UBE3D: variants seen among roughly 807,000 people sequenced by gnomAD.
UBE3D encodes the protein E3 ubiquitin-protein ligase E3D.
A neutral mutation model predicts 49.6 loss-of-function variants in UBE3D; 48 were observed. The ratio of observed to expected loss-of-function variants is 0.97; its 90% CI spans 0.77 to 1.23. The LOEUF (loss-of-function observed/expected upper bound fraction) is 1.23. Among genes scored for constraint, UBE3D ranks in the 50% most tolerant of loss-of-function variants. The pLI, the probability that UBE3D is intolerant of heterozygous loss-of-function variation, is 0.00. For missense variants in UBE3D, 452 were observed against 468.4 expected, an observed-to-expected ratio of 0.96 and a Z score of 0.32; for synonymous variants, 189 against 174.2, an observed-to-expected ratio of 1.08 and a Z score of -0.67.
At chr6:83,050,094 A>C (rs1287723321) in intron 3 of UBE3D, among the ~76,000 whole-genome samples, 1 of 152,186 alleles carries the variant, frequency 6.6e-6, no homozygotes, top group Non-Finnish European at 1.5e-5. Flanking sequence ...ATAGCTAAGA[A>C]CATGTGACCT....
chr6:82,982,193 C>CTGGA (rs1778161475), intron 8 of UBE3D, among the ~76,000 whole-genome samples: 1 of 152,184 alleles, frequency 6.6e-6, no homozygotes, highest in African/African-American at 2.4e-5. Flanking sequence ...CCACCCAATA[C>CTGGA]TCTCAACCCC....
chr6:83,016,158 CCAT>C (rs1312996026), intron 8 of UBE3D, among the ~76,000 whole-genome samples: 12 of 152,190 alleles, frequency 7.9e-5, no homozygotes, highest in African/African-American at 2.9e-4. Context: ...TCACTCAAGG[CCAT>C]CTTAGCAGAT....
At chr6:82,887,231 A>C in the UBE3D span, among the ~76,000 whole-genome samples, 1 of 151,170 alleles carries the variant, frequency 6.6e-6, no homozygotes, top group African/African-American at 2.4e-5. Flanking sequence ...AGGCAGGAGA[A>C]TCACTTAAAC....
chr6:82,937,889 G>C (rs542499876), intron 9 of UBE3D, among the ~76,000 whole-genome samples: 1 of 152,144 alleles, frequency 6.6e-6, no homozygotes, highest in Non-Finnish European at 1.5e-5. Flanking sequence ...CCAAGGGCCA[G>C]ATGGCACCCT....
chr6:82,983,279 A>C (rs1778236526), intron 8 of UBE3D, among the ~76,000 whole-genome samples: 2 of 151,916 alleles, frequency 1.3e-5, no homozygotes, highest in South Asian at 4.1e-4. Context: ...TGGCCAGTGA[A>C]GCCTATTCAA....
chr6:82,999,960 TC>T (rs1178308937), intron 8 of UBE3D, among the ~76,000 whole-genome samples: 5 of 152,200 alleles, frequency 3.3e-5, no homozygotes, highest in Non-Finnish European at 4.4e-5. Flanking sequence ...TTACCTGACC[TC>T]TCTCTCAGCA....
At chr6:82,901,620 A>C (rs1771745182) in intron 9 of UBE3D, among the ~76,000 whole-genome samples, 1 of 152,200 alleles carries the variant, frequency 6.6e-6, no homozygotes, top group South Asian at 2.1e-4. Context: ...AAAGTGACAT[A>C]GCTAATTAGG....
chr6:82,984,165 T>C (rs1036353337), intron 8 of UBE3D, among the ~76,000 whole-genome samples: 11 of 152,214 alleles, frequency 7.2e-5, no homozygotes, highest in African/African-American at 2.4e-5. Flanking sequence ...CATATTCTTA[T>C]CATTCTTCAA....
chr6:82,888,358 G>A (rs1301704559), downstream of UBE3D, among the ~76,000 whole-genome samples: 1 of 151,064 alleles, frequency 6.6e-6, no homozygotes, highest in Non-Finnish European at 1.5e-5. Context: ...CAAATAGAGT[G>A]CATACAAATT....
chr6:83,040,175 G>A (rs1327048735), intron 4 of UBE3D, among the ~76,000 whole-genome samples: 1 of 151,972 alleles, frequency 6.6e-6, no homozygotes, highest in African/African-American at 2.4e-5. Flanking sequence ...ATGAGGTCAG[G>A]AGTTTGAGAC....
At chr6:82,990,411 G>T (rs1301098407) in intron 8 of UBE3D, among the ~76,000 whole-genome samples, 4 of 151,994 alleles carry the variant, frequency 2.6e-5, no homozygotes, top group Non-Finnish European at 5.9e-5. Context: ...CCAAGTAGCA[G>T]GGACTGCAGG....
intron 9 of UBE3D, among the ~76,000 whole-genome samples, chr6:82,950,662 T>A (rs147001983): frequency 6.6e-6 from 1 of 152,166 alleles, no homozygotes; most frequent in East Asian, 1.9e-4. Flanking sequence ...CCCATGTTTA[T>A]TGCAAAACTA....
rs183408615 is a variant in UBE3D, at chr6:83,046,001, A to G, written c.366-1342T>C. On this transcript the variant is annotated intron_variant, in intron 3 of 9. Coordinates refer to ENST00000369747, the MANE Select transcript of UBE3D (RefSeq NM_198920.3). ...TCTGAGTTAGTCTAATATTGTCTCAAGATTAGGCTGGTGGTATGGATTTGG... is the reference window on the plus strand; with the variant it reads ...TCTGAGTTAGTCTAATATTGTCTCAGGATTAGGCTGGTGGTATGGATTTGG... 8.6e-4 allele frequency among the ~76,000 whole-genome samples: 131 copies of G among 152,290 alleles called. 1 individual carries two copies. The highest frequency in any genetic ancestry group is 1.6e-3 in the Non-Finnish European group (106 of 68,008).
chr6:82,967,094 T>A (rs1276394586), intron 8 of UBE3D, among the ~76,000 whole-genome samples: 2 of 152,238 alleles, frequency 1.3e-5, no homozygotes, highest in African/African-American at 4.8e-5. Flanking sequence ...CGAGCTGGCA[T>A]CTGCTCTCCC....
chr6:82,979,839 G>A (rs1013980392), intron 8 of UBE3D, among the ~76,000 whole-genome samples: 6 of 152,040 alleles, frequency 3.9e-5, no homozygotes, highest in African/African-American at 1.4e-4. Flanking sequence ...GTAAGAACAT[G>A]CAGTATATGA....
intron 3 of UBE3D, among the ~76,000 whole-genome samples, chr6:83,051,835 A>T (rs1378812458): frequency 2.0e-5 from 3 of 152,166 alleles, no homozygotes; most frequent in Non-Finnish European, 4.4e-5. Flanking sequence ...TCCATTTGTA[A>T]CCTCTCACTT....
At chr6:82,891,759 C>G (rs1770984082), downstream of UBE3D, among the ~76,000 whole-genome samples, 1 of 152,202 alleles carries the variant, frequency 6.6e-6, no homozygotes, top group African/African-American at 2.4e-5. Flanking sequence ...GGCGTGGTGA[C>G]TCACACCTGT....
intron 1 of UBE3D, among the ~76,000 whole-genome samples, chr6:83,059,477 T>A (rs992526832): frequency 6.6e-6 from 1 of 152,212 alleles, no homozygotes; most frequent in African/African-American, 2.4e-5. Flanking sequence ...GGGCCATAGT[T>A]CTCTGACCAC....
At chr6:82,907,640 A>T (rs1772199568) in intron 9 of UBE3D, among the ~76,000 whole-genome samples, 2 of 152,218 alleles carry the variant, frequency 1.3e-5, no homozygotes, top group African/African-American at 4.8e-5. Context: ...AATGAAAATC[A>T]TAATGAGATA....
Sources: gnomAD v4.1 joint callset for allele counts (sites outside exome capture counted in the v4.1 genomes callset) on GRCh38, gnomAD v4.1.1 for gene constraint, MANE v1.5 for transcripts, NCBI Gene and HGNC (gene_info 2026-07-23, HGNC 2026-07-21) for gene names.